Variants in WDR72 observed in about 807,000 individuals in gnomAD.
WDR72 encodes the protein WD repeat-containing protein 72.
WDR72 carries 120 observed loss-of-function variants against 124.2 expected under a neutral mutation model. The observed-to-expected ratio is 0.97, with a 90% CI of 0.83 to 1.12. The LOEUF (loss-of-function observed/expected upper bound fraction) is 1.12, where lower values mean the gene tolerates loss of function less well. Ranked by LOEUF, WDR72 falls within the 50% of genes most tolerant of loss-of-function variation. The pLI, the probability that WDR72 is intolerant of heterozygous loss-of-function variation, is 0.00. For synonymous variants in WDR72, 452 were observed against 441.7 expected (o/e 1.02, Z -0.29); for missense variants, 1,387 against 1,278.8 (o/e 1.08, Z -1.29).
Position 53,615,433 on chromosome 15 carries a change from C to A in WDR72, c.2773G>T (p.Val925Phe). 3 of 1,609,080 alleles carry A rather than the reference C, an allele frequency of 1.9e-6. No homozygotes were observed. The highest frequency in any genetic ancestry group is 2.5e-6 in the Non-Finnish European group (3 of 1,177,532). Residue 925 changes from valine (V) to phenylalanine (F), a missense_variant, in exon 15 of 20, where the codon GTT becomes TTT. Val to Phe is a conservative substitution (Grantham distance 50, BLOSUM62 -1). Coordinates refer to ENST00000360509, the MANE Select transcript of WDR72 (RefSeq NM_182758.4). ...TCTCTAGGTATGTCTTACCTGCCAA[C>A]TCTACATGCCAATTCTAAAGGCATG... is the stretch of plus-strand genomic sequence containing the variant. Reference protein sequence around the residue: ...VNMPLELACRVGSSFRMESIH... With the variant: ...VNMPLELACRFGSSFRMESIH...
intron 14 of WDR72, among the ~76,000 whole-genome samples, chr15:53,639,367 A>T (rs1190527291): frequency 6.6e-6 from 1 of 151,780 alleles, no homozygotes; most frequent in African/African-American, 2.4e-5. Flanking sequence ...GCGGTTGCTC[A>T]TGCCTGTAAT....
chr15:53,710,784 G>T, intron 9 of WDR72, 73 bp downstream of exon 9: 1 of 1,255,292 alleles, frequency 8.0e-7, no homozygotes, highest in South Asian at 1.2e-5. Flanking sequence ...CTGATTCTGT[G>T]ACAGACAAAG....
In WDR72 at chr15:53,529,145, C is replaced by CATATAT. The variant is rs34418320; in HGVS notation, c.3149-5829_3149-5824dup. On this transcript the variant is annotated intron_variant, in intron 18 of 19. Coordinates refer to ENST00000360509, the MANE Select transcript of WDR72 (RefSeq NM_182758.4). ...AAATAATATTCCACACTGTTTAGCCCATATATATATATATATATATTTTTT... is the reference window on the plus strand; with the variant it reads ...AAATAATATTCCACACTGTTTAGCCCATATATATATATATATATATATATATTTTTT... 2.2e-3 allele frequency among the ~76,000 whole-genome samples: 251 copies of CATATAT among 112,470 alleles called. 2 individuals carry two copies. The highest frequency in any genetic ancestry group is 3.1e-3 in the South Asian group (10 of 3,216). The allele number at this position is 112,470 out of a possible 152,430, so 73.8% of individuals were successfully genotyped here.
rs1199828891 is a variant in WDR72 at position 53,516,354 on chromosome 15, A to G, written c.*1345T>C. Reference sequence around the variant, plus strand: ...TAAGGGTGCAGCCCACGTCATTTCAATTACACAGTTCTCTTTTCTAATTTC... The same window carrying G: ...TAAGGGTGCAGCCCACGTCATTTCAGTTACACAGTTCTCTTTTCTAATTTC... On this transcript the variant is annotated 3_prime_UTR_variant, in exon 20 of 20. Coordinates refer to ENST00000360509, the MANE Select transcript of WDR72 (RefSeq NM_182758.4). 6.6e-6 allele frequency: 1 copy of G among 152,110 alleles called. No individual in the cohort carries two copies. The highest frequency in any genetic ancestry group is 1.5e-5 in the Non-Finnish European group (1 of 67,994). 9.4% of individuals were successfully genotyped at this position (152,110 alleles called of 1,614,324 possible).
chr15:53,672,316 A>AAAC (rs1399255691), intron 13 of WDR72, among the ~76,000 whole-genome samples: 1 of 151,386 alleles, frequency 6.6e-6, no homozygotes, highest in Non-Finnish European at 1.5e-5. Flanking sequence ...GCCGATTAAA[A>AAAC]AAAAAAAAAA....
intron 13 of WDR72, among the ~76,000 whole-genome samples, chr15:53,678,019 TA>T (rs2016238073): frequency 6.6e-6 from 1 of 152,200 alleles, no homozygotes; most frequent in African/African-American, 2.4e-5. Flanking sequence ...GGCAAGGCCA[TA>T]ATGCTATGTG....
chr15:53,711,007 T>G (rs2017520089), intron 8 of WDR72, 54 bp from the exon 9 acceptor site: 3 of 1,482,450 alleles, frequency 2.0e-6, no homozygotes, highest in South Asian at 2.3e-5. Context: ...CTTTATTCGT[T>G]TTTTTTCCCC....
intron 6 of WDR72, among the ~76,000 whole-genome samples, chr15:53,714,181 C>CTGTGTGTG (rs147902451): frequency 0.096 from 14,374 of 150,338 alleles, 1,100 homozygotes; most frequent in East Asian, 0.22. Context: ...TGTAATCTTT[C>CTGTGTGTG]TGTGTGTGTG....
chr15:53,723,895 A>G (rs2017946443), intron 2 of WDR72, among the ~76,000 whole-genome samples: 1 of 152,190 alleles, frequency 6.6e-6, no homozygotes. Flanking sequence ...TTTTCAATCC[A>G]CAGTTGGTTG....
At chr15:53,718,331 T>C (rs1481623565) in intron 3 of WDR72, among the ~76,000 whole-genome samples, 2 of 148,972 alleles carry the variant, frequency 1.3e-5, no homozygotes, top group African/African-American at 2.6e-5. Flanking sequence ...TGGCTGACCA[T>C]GCAGATATCA....
At chr15:53,713,458 A>ATTTTATTTTATTTTATTTTATTTTT (rs2017612047) in intron 6 of WDR72, among the ~76,000 whole-genome samples, 1 of 149,100 alleles carries the variant, frequency 6.7e-6, no homozygotes, top group Non-Finnish European at 1.5e-5. Context: ...ATTTTATTTT[A>ATTTTATTTTATTTTATTTTATTTTT]TTTTTTCCTT....
chr15:53,722,190 T>C (rs1159412006), intron 3 of WDR72, among the ~76,000 whole-genome samples: 2 of 151,934 alleles, frequency 1.3e-5, no homozygotes, highest in African/African-American at 4.8e-5. Context: ...TGCATCACCA[T>C]GCCCAGGCCA....
chr15:53,667,240 C>G (rs1006771874), intron 13 of WDR72, among the ~76,000 whole-genome samples: 1 of 152,054 alleles, frequency 6.6e-6, no homozygotes, highest in African/African-American at 2.4e-5. Context: ...ACAGTCCCAG[C>G]TACTAGGTAG....
At chr15:53,539,640 CATT>C (rs1367275508) in intron 18 of WDR72, among the ~76,000 whole-genome samples, 2 of 147,770 alleles carry the variant, frequency 1.4e-5, no homozygotes, top group Non-Finnish European at 1.5e-5. Flanking sequence ...TAAAGGTAAA[CATT>C]AGGAAAAAAA....
intron 13 of WDR72, among the ~76,000 whole-genome samples, chr15:53,695,646 T>C (rs533982618): frequency 2.0e-5 from 3 of 152,302 alleles, no homozygotes; most frequent in African/African-American, 7.2e-5. Context: ...GCCCTCAGTG[T>C]CACATAAACA....
intron 18 of WDR72, among the ~76,000 whole-genome samples, chr15:53,560,736 C>T (rs1333694102): frequency 6.6e-6 from 1 of 151,776 alleles, no homozygotes; most frequent in African/African-American, 2.4e-5. Context: ...AGTTTAACAG[C>T]AAATAATACA....
chr15:53,531,295 C>T (rs537198501), intron 18 of WDR72, among the ~76,000 whole-genome samples: 8 of 136,392 alleles, frequency 5.9e-5, no homozygotes, highest in East Asian at 2.1e-4. Flanking sequence ...TATATGATAA[C>T]GCAATCAGTA....
At chr15:53,748,272 C>T (rs2018690769) in intron 1 of WDR72, among the ~76,000 whole-genome samples, 1 of 152,078 alleles carries the variant, frequency 6.6e-6, no homozygotes. Flanking sequence ...TCATGTTTTT[C>T]TTTCCCATAT....
Position 53,514,376 on chromosome 15 carries a change from G to A in WDR72, c.*3323C>T, listed in dbSNP as rs768469449. 1 of 151,998 alleles carries A rather than the reference G, an allele frequency of 6.6e-6. No individual in the cohort carries two copies. Among genetic ancestry groups the A allele is most frequent in the East Asian group, 1.9e-4 (1 of 5,182 alleles). The allele number at this position is 151,998 out of a possible 1,614,324, so 9.4% of individuals were successfully genotyped here. ...AAATCAGTTGGAATTAATGTAACCTGAACTTTCATTTTAAATACATGGCAT... is the reference window on the plus strand; with the variant it reads ...AAATCAGTTGGAATTAATGTAACCTAAACTTTCATTTTAAATACATGGCAT... On this transcript the variant is annotated 3_prime_UTR_variant, in exon 20 of 20. Coordinates refer to ENST00000360509, the MANE Select transcript of WDR72 (RefSeq NM_182758.4).
Sources: gnomAD v4.1 joint callset for allele counts (sites outside exome capture counted in the v4.1 genomes callset) on GRCh38, gnomAD v4.1.1 for gene constraint, MANE v1.5 for transcripts, NCBI Gene and HGNC (gene_info 2026-07-23, HGNC 2026-07-21) for gene names.